Variants in RAD51B observed in about 807,000 individuals in gnomAD.
The protein encoded by RAD51B is RAD51 paralog B.
A neutral mutation model predicts 42.2 loss-of-function variants in RAD51B; 38 were observed. The observed-to-expected ratio is 0.90, with a 90% CI of 0.70 to 1.18. The LOEUF is 1.18. RAD51B is among the 50% of genes most tolerant of loss of function. The pLI, the probability that RAD51B is intolerant of heterozygous loss-of-function variation, is 0.00. For synonymous variants in RAD51B, 154 were observed against 145.2 expected (o/e 1.06, Z -0.43); for missense variants, 373 against 400.7 (o/e 0.93, Z 0.59).
chr14:67,842,834 G>A (rs2041474687), intron 4 of RAD51B, among the ~76,000 whole-genome samples: 2 of 152,104 alleles, frequency 1.3e-5, no homozygotes. Context: ...AGTATTTTGA[G>A]GTATGTTCAT....
Position 68,497,875 on chromosome 14 carries a change from G to T in RAD51B, c.1036+29625G>T, listed in dbSNP as rs58791377. ...TTTTATGGCTGAATAATATTGCATT[G>T]TCAGGATATACTGCATTTTGTTCAT... is the stretch of plus-strand genomic sequence containing the variant. On this transcript the variant is annotated intron_variant, in intron 10 of 10. Transcript: ENST00000487270. 917 of 204,676 alleles carry T rather than the reference G, an allele frequency of 4.5e-3. 15 individuals carry two copies. Among genetic ancestry groups the T allele is most frequent in the African/African-American group, 0.02 (877 of 43,752 alleles). 12.7% of individuals were successfully genotyped at this position (204,676 alleles called of 1,614,324 possible). A position where few individuals can be genotyped will look rare whatever the true frequency, so the allele number is the denominator to read the frequency against.
chr14:67,903,127 G>A (rs1285998219), intron 7 of RAD51B, among the ~76,000 whole-genome samples: 3 of 152,086 alleles, frequency 2.0e-5, no homozygotes, highest in African/African-American at 7.2e-5. Flanking sequence ...CAAAGTGCTG[G>A]GATTACAGGC....
At chr14:68,673,608 C>G (rs1246066845) in intron 11 of RAD51B, among the ~76,000 whole-genome samples, 10 of 151,810 alleles carry the variant, frequency 6.6e-5, no homozygotes, top group Non-Finnish European at 1.0e-4. Flanking sequence ...TACATGCACA[C>G]ACACACGTAC....
At chr14:67,899,203 C>CTT (rs2043525765) in intron 7 of RAD51B, among the ~76,000 whole-genome samples, 2 of 151,714 alleles carry the variant, frequency 1.3e-5, no homozygotes, top group African/African-American at 4.8e-5. Context: ...CCACCACGCC[C>CTT]GGCTAATTTT....
intron 9 of RAD51B, among the ~76,000 whole-genome samples, chr14:68,465,223 A>G (rs977888612): frequency 2.6e-5 from 4 of 152,146 alleles, no homozygotes; most frequent in East Asian, 1.9e-4. Context: ...AGATTTTTTT[A>G]TATGTTTAGT....
chr14:68,673,356 AC>A (rs747249124), intron 11 of RAD51B, among the ~76,000 whole-genome samples: 18 of 151,886 alleles, frequency 1.2e-4, no homozygotes, highest in Non-Finnish European at 1.8e-4. Context: ...ACATAAACAC[AC>A]ATACATAAAC....
chr14:68,570,288 G>T (rs988472400), intron 10 of RAD51B, among the ~76,000 whole-genome samples: 2 of 152,168 alleles, frequency 1.3e-5, no homozygotes, highest in Middle Eastern at 3.2e-3. Context: ...ACCTGGGTCA[G>T]GGGAGCCTGC....
Position 68,149,185 on chromosome 14 carries a change from C to T in RAD51B, c.757-142699C>T, listed in dbSNP as rs143586881. Among the ~76,000 whole-genome samples, 625 of 152,252 alleles carry T rather than the reference C, an allele frequency of 4.1e-3. 1 individual carries two copies. The highest frequency in any genetic ancestry group is 0.017 in the Middle Eastern group (5 of 294). ...TTCATTATCTTAACAGTGTCTTTGT[C>T]AGAGCAGAAGCTTTTAATTTTAATG... On this transcript the variant is annotated intron_variant, in intron 7 of 10. Coordinates refer to ENST00000471583, the MANE Select transcript of RAD51B (RefSeq NM_133510.4).
chr14:68,613,783 T>C (rs1477894885), downstream of RAD51B, among the ~76,000 whole-genome samples: 2 of 152,198 alleles, frequency 1.3e-5, no homozygotes, highest in East Asian at 1.9e-4. Flanking sequence ...GCTAAGAGCC[T>C]TCATAATATT....
intron 8 of RAD51B, among the ~76,000 whole-genome samples, chr14:68,392,396 A>T (rs952589074): frequency 6.6e-6 from 1 of 152,044 alleles, no homozygotes; most frequent in Admixed American, 6.5e-5. Flanking sequence ...TTGTTTGCCA[A>T]TTCTTCCTTT....
intron 7 of RAD51B, among the ~76,000 whole-genome samples, chr14:67,894,640 T>G (rs1300725261): frequency 6.6e-6 from 1 of 152,236 alleles, no homozygotes; most frequent in Non-Finnish European, 1.5e-5. Flanking sequence ...TGTAAGTAGC[T>G]TGTAAGTAAC....
intron 10 of RAD51B, among the ~76,000 whole-genome samples, chr14:68,502,656 G>A (rs78386034): frequency 1.3e-5 from 2 of 152,284 alleles, no homozygotes; most frequent in Non-Finnish European, 2.9e-5. Context: ...AAGAACAGAC[G>A]GACTGAACAC....
intron 8 of RAD51B, among the ~76,000 whole-genome samples, chr14:68,362,171 T>C (rs2083039206): frequency 6.6e-6 from 1 of 152,176 alleles, no homozygotes; most frequent in South Asian, 2.1e-4. Flanking sequence ...ATATAATACA[T>C]ATAAAGGACC....
chr14:67,913,287 A>G (rs1489072542), intron 7 of RAD51B, among the ~76,000 whole-genome samples: 2 of 152,212 alleles, frequency 1.3e-5, no homozygotes, highest in Non-Finnish European at 2.9e-5. Flanking sequence ...TTGTCAAAGT[A>G]TAAAGAGATT....
At chr14:68,518,498 C>T (rs1478174298) in intron 10 of RAD51B, among the ~76,000 whole-genome samples, 1 of 152,034 alleles carries the variant, frequency 6.6e-6, no homozygotes, top group East Asian at 1.9e-4. Context: ...AACATGGGGC[C>T]AGAGCAGGGA....
intron 7 of RAD51B, among the ~76,000 whole-genome samples, chr14:67,921,581 A>G (rs1273443952): frequency 6.9e-6 from 1 of 144,662 alleles, no homozygotes; most frequent in African/African-American, 2.7e-5. Flanking sequence ...ACACACACAC[A>G]CACACACACA....
intron 10 of RAD51B, among the ~76,000 whole-genome samples, chr14:68,638,081 G>A (rs561564406): frequency 3.3e-5 from 5 of 152,288 alleles, no homozygotes; most frequent in Non-Finnish European, 7.4e-5. Context: ...AATGTCCCTC[G>A]GGAGAGAAAG....
At chr14:68,208,601 T>A (rs2079641460) in intron 7 of RAD51B, among the ~76,000 whole-genome samples, 1 of 152,190 alleles carries the variant, frequency 6.6e-6, no homozygotes, top group South Asian at 2.1e-4. Context: ...TTACAAATGT[T>A]AGAAGCTAGA....
intron 9 of RAD51B, among the ~76,000 whole-genome samples, chr14:68,413,627 A>G (rs1212612729): frequency 6.6e-6 from 1 of 152,238 alleles, no homozygotes; most frequent in Non-Finnish European, 1.5e-5. Flanking sequence ...AAAGTTTGAT[A>G]TAGAAAAAAC....
Sources: allele counts gnomAD v4.1 joint callset (sites outside exome capture counted in the v4.1 genomes callset), GRCh38; gene constraint gnomAD v4.1.1; transcripts MANE v1.5; gene names NCBI Gene and HGNC (gene_info 2026-07-23, HGNC 2026-07-21).